USP33: variants seen among roughly 807,000 people sequenced by gnomAD.
USP33 encodes ubiquitin specific peptidase 33, also known as ubiquitin carboxyl-terminal hydrolase 33.
In USP33, 46 loss-of-function variants were observed where a neutral mutation model predicts 124.2. The ratio of observed to expected loss-of-function variants is 0.37; its 90% confidence interval spans 0.29 to 0.47. The LOEUF is 0.47. Ranked by LOEUF, USP33 falls within the 20% of genes least tolerant of loss-of-function variation. The pLI, the probability that USP33 is intolerant of heterozygous loss-of-function variation, is 0.99. For synonymous variants in USP33, 350 were observed against 352.3 expected (o/e 0.99, Z 0.07); for missense variants, 851 against 1,070.6 (o/e 0.79, Z 2.86).
Position 77,721,200 on chromosome 1 carries a change from T to G in USP33, c.1663A>C (p.Asn555His). 1 of 1,613,930 alleles carries G rather than the reference T, an allele frequency of 6.2e-7. No individual in the cohort carries two copies. The highest frequency in any genetic ancestry group is 8.5e-7 in the Non-Finnish European group (1 of 1,179,928). Residue 555 changes from asparagine (N) to histidine (H), a missense_variant, in exon 15 of 24, where the codon AAT (asparagine) becomes CAT (histidine). Coordinates refer to ENST00000370794, the MANE Select transcript of USP33 (RefSeq NM_201624.3). ...TTGCATTTTTCACAACTGTACATATTGTCACCTGCAAATAAAACAGATCTG... is the reference window on the plus strand; with the variant it reads ...TTGCATTTTTCACAACTGTACATATGGTCACCTGCAAATAAAACAGATCTG... ...FFARDELKGDNMYSCEKCKKL... is the reference protein window; with the variant it reads ...FFARDELKGDHMYSCEKCKKL...
At chr1:77,714,569 T>A in intron 19 of USP33, 45 bp downstream of exon 19, 1 of 1,567,254 alleles carries the variant, frequency 6.4e-7, no homozygotes, top group Admixed American at 2.0e-5. Context: ...GCAAATTATT[T>A]TACAGCAAAC....
At position 77,719,164 on chromosome 1, in the gene USP33, T is replaced by A. The variant is rs146490600; in HGVS notation, c.1692-523A>T. On this transcript the variant is annotated intron_variant, in intron 15 of 23. Coordinates refer to ENST00000370794, the MANE Select transcript of USP33 (RefSeq NM_201624.3). ...TCATAAGGTCAGGAGATGGAGACCA[T>A]CCTGGCCAACATGGTGAAACCCCAT... Among the ~76,000 whole-genome samples the A allele has an allele frequency of 1.5e-3, 231 of 149,854 alleles. 2 individuals carry two copies. Among genetic ancestry groups the A allele is most frequent in the African/African-American group, 5.4e-3 (220 of 40,806 alleles).
chr1:77,718,209 C>T (rs1400609878), intron 16 of USP33, among the ~76,000 whole-genome samples, 162 bp from the exon 17 acceptor site: 1 of 152,074 alleles, frequency 6.6e-6, no homozygotes, highest in African/African-American at 2.4e-5. Flanking sequence ...GTTTTAAATG[C>T]TAGATAAAGC....
intron 18 of USP33, among the ~76,000 whole-genome samples, chr1:77,715,457 G>A (rs1206233917): frequency 6.6e-6 from 1 of 152,110 alleles, no homozygotes; most frequent in African/African-American, 2.4e-5. Context: ...CACCCGCCTT[G>A]GCCTCCCAAA....
chr1:77,714,591 G>A (rs371637192), intron 19 of USP33, 23 bp downstream of exon 19: 5 of 1,591,442 alleles, frequency 3.1e-6, no homozygotes, highest in African/African-American at 2.7e-5. Context: ...TCTACTACCG[G>A]TTTGCATTAC....
intron 20 of USP33, among the ~76,000 whole-genome samples, chr1:77,712,150 T>A (rs925144889): frequency 6.6e-6 from 1 of 152,164 alleles, no homozygotes; most frequent in Non-Finnish European, 1.5e-5. Flanking sequence ...AACATATAAA[T>A]CTTAGTTACA....
chr1:77,739,547 G>A (rs548460057), intron 4 of USP33, 130 bp from the exon 5 acceptor site: 167 of 858,154 alleles, frequency 1.9e-4, no homozygotes, highest in Admixed American at 2.9e-4. Context: ...AGCTAATTTA[G>A]AACATGAAAA....
At chr1:77,733,062 G>T (rs980597429) in intron 7 of USP33, among the ~76,000 whole-genome samples, 13 of 151,478 alleles carry the variant, frequency 8.6e-5, no homozygotes, top group African/African-American at 3.1e-4. Flanking sequence ...CAAAGTGCTG[G>T]GATTACAGGC....
chr1:77,716,235 G>GT (rs1329415267), intron 17 of USP33, among the ~76,000 whole-genome samples: 2 of 151,586 alleles, frequency 1.3e-5, no homozygotes, highest in African/African-American at 4.8e-5. Flanking sequence ...ATTTATTTTT[G>GT]TTTTTTTACA....
chr1:77,720,600 T>C, intron 15 of USP33: 1 of 985,452 alleles, frequency 1.0e-6, no homozygotes. Context: ...TTACAGAGAT[T>C]GAGAAGAAAT....
Position 77,750,624 on chromosome 1 carries a change from A to AAGAG in USP33, c.-51-8877_-51-8876insCTCT, listed in dbSNP as rs1553201871. 5.7e-3 allele frequency among the ~76,000 whole-genome samples: 704 copies of AAGAG among 123,388 alleles called. 3 individuals are homozygous for AAGAG. Among genetic ancestry groups the AAGAG allele is most frequent in the Non-Finnish European group, 7.6e-3 (466 of 61,244 alleles). 80.9% of individuals were successfully genotyped at this position (123,388 alleles called of 152,430 possible). ...GCAACACAGCAAGACCCTGACTTAA[A>AAGAG]AAAGAAAGAAAGAAAGAAAGAAAGA... On this transcript the variant is annotated intron_variant, in intron 1 of 23. Transcript: ENST00000370794.
At chr1:77,731,791 C>T (rs527547954) in intron 7 of USP33, among the ~76,000 whole-genome samples, 3 of 152,206 alleles carry the variant, frequency 2.0e-5, no homozygotes, top group South Asian at 4.2e-4. Flanking sequence ...CAAACATACA[C>T]GTAAAAATCT....
chr1:77,756,713 T>C (rs1418071370), intron 1 of USP33, among the ~76,000 whole-genome samples: 2 of 152,208 alleles, frequency 1.3e-5, no homozygotes, highest in Non-Finnish European at 2.9e-5. Context: ...CTTCCACTAT[T>C]AACCTTTTTT....
intron 22 of USP33, among the ~76,000 whole-genome samples, chr1:77,698,741 C>T (rs2101149312): frequency 6.6e-6 from 1 of 151,868 alleles, no homozygotes; most frequent in South Asian, 2.1e-4. Flanking sequence ...ACCTCGTGAT[C>T]CACCCCCCTC....
chr1:77,750,762 AT>A (rs772183708), intron 1 of USP33, among the ~76,000 whole-genome samples: 1 of 152,262 alleles, frequency 6.6e-6, no homozygotes, highest in Non-Finnish European at 1.5e-5. Flanking sequence ...GTATAATACA[AT>A]GCTATCAAAA....
At chr1:77,705,933 C>T (rs1674577420) in intron 21 of USP33, among the ~76,000 whole-genome samples, 1 of 152,144 alleles carries the variant, frequency 6.6e-6, no homozygotes, top group Non-Finnish European at 1.5e-5. Context: ...GTATGTCTTA[C>T]ACTTGGCATA....
At chr1:77,701,315 CAAACAAAA>C (rs1455728459) in intron 22 of USP33, 46 bp downstream of exon 22, 4 of 1,314,044 alleles carry the variant, frequency 3.0e-6, no homozygotes, top group Non-Finnish European at 4.3e-6. Context: ...AAATACTTGT[CAAACAAAA>C]AAACAAATAA....
chr1:77,750,863 A>G (rs986365700), intron 1 of USP33, among the ~76,000 whole-genome samples: 1 of 151,950 alleles, frequency 6.6e-6, no homozygotes, highest in African/African-American at 2.4e-5. Flanking sequence ...TATTTGACAA[A>G]TGTTTATTGA....
chr1:77,701,395 T>C lies in USP33; in HGVS notation c.2483A>G (p.Glu828Gly), dbSNP rs761068985. ...TCCATCTTTACCCTTCACAAAACTT[T>C]CCCATTCTCTAAACCACTGCATACT... ...CISMQWFREW[E>G]SFVKGKDGDP... The change falls in exon 22 of 24, where the codon GAA becomes GGA. Residue 828 changes from glutamate (E) to glycine (G), a missense_variant. By Grantham distance (98) the Glu-to-Gly change is moderately conservative. Coordinates refer to ENST00000370794, the MANE Select transcript of USP33 (RefSeq NM_201624.3). 3 of 1,611,932 alleles carry C rather than the reference T, an allele frequency of 1.9e-6. No homozygotes were observed. The South Asian group carries it at 3.3e-5, about 18-fold the overall frequency.
Sources: allele counts gnomAD v4.1 joint callset (sites outside exome capture counted in the v4.1 genomes callset), GRCh38; gene constraint gnomAD v4.1.1; transcripts MANE v1.5; gene names NCBI Gene and HGNC (gene_info 2026-07-23, HGNC 2026-07-21).